Variants in ZBTB20 observed in about 807,000 individuals in gnomAD.
ZBTB20 encodes the protein zinc finger and BTB domain-containing protein 20.
In ZBTB20, 9 loss-of-function variants were observed where a neutral mutation model predicts 56.9. That is an observed-to-expected ratio of 0.16 (90% CI 0.10 to 0.28). ZBTB20 has a LOEUF of 0.28. ZBTB20 is among the 10% of genes least tolerant of loss of function. The probability of loss-of-function intolerance (pLI) is 1.00; values close to 1 mark genes in which losing one functional copy is unlikely to be tolerated. For missense variants in ZBTB20, 655 were observed against 1,003.0 expected, an observed-to-expected ratio of 0.65 and a Z score of 4.69; for synonymous variants, 417 against 420.7, an observed-to-expected ratio of 0.99 and a Z score of 0.11.
At chr3:114,546,579 C>A (rs1479137060) in intron 6 of ZBTB20, among the ~76,000 whole-genome samples, 2 of 145,040 alleles carry the variant, frequency 1.4e-5, no homozygotes, top group Non-Finnish European at 3.0e-5. Flanking sequence ...TTTTTTAATC[C>A]AGACTGGAGA....
chr3:114,710,642 T>G (rs1342404465), intron 5 of ZBTB20, among the ~76,000 whole-genome samples: 1 of 152,150 alleles, frequency 6.6e-6, no homozygotes, highest in Non-Finnish European at 1.5e-5. Flanking sequence ...AGCCCTACCT[T>G]CAAGTTATGC....
At chr3:114,540,888 C>G (rs2049034154) in intron 6 of ZBTB20, among the ~76,000 whole-genome samples, 1 of 151,848 alleles carries the variant, frequency 6.6e-6, no homozygotes, top group African/African-American at 2.4e-5. Flanking sequence ...CCTTGTATCC[C>G]CACCCTGCAT....
At chr3:115,034,371 A>G (rs111910556) in intron 2 of ZBTB20, among the ~76,000 whole-genome samples, 274 of 150,944 alleles carry the variant, frequency 1.8e-3, no homozygotes, top group African/African-American at 6.4e-3. Context: ...TGTTAGAACT[A>G]ATAAATAAAT....
intron 1 of ZBTB20, among the ~76,000 whole-genome samples, chr3:115,088,496 CA>C (rs2083071344): frequency 6.6e-6 from 1 of 151,802 alleles, no homozygotes; most frequent in Non-Finnish European, 1.5e-5. Context: ...TCTAAATTTA[CA>C]AAATCATGAT....
chr3:115,057,192 T>A (rs918778417), intron 2 of ZBTB20, among the ~76,000 whole-genome samples: 7 of 152,184 alleles, frequency 4.6e-5, no homozygotes. Flanking sequence ...TCATTGCATT[T>A]ATTGATATAA....
chr3:114,872,542 AT>A, intron 4 of ZBTB20, among the ~76,000 whole-genome samples: 1 of 152,178 alleles, frequency 6.6e-6, no homozygotes, highest in South Asian at 2.1e-4. Flanking sequence ...AACTGAAGTA[AT>A]GGCTTAATGC....
intron 1 of ZBTB20, among the ~76,000 whole-genome samples, chr3:115,081,154 CA>C (rs2082783002): frequency 6.6e-6 from 1 of 152,034 alleles, no homozygotes; most frequent in African/African-American, 2.4e-5. Context: ...GTATTAAAGG[CA>C]AATACCTCTT....
At chr3:114,467,812 G>T (rs2092611082) in intron 7 of ZBTB20, among the ~76,000 whole-genome samples, 2 of 152,176 alleles carry the variant, frequency 1.3e-5, no homozygotes. Context: ...TCCTTGGTGG[G>T]AATGTGAATT....
At chr3:114,659,543 A>G (rs1050844988) in intron 6 of ZBTB20, among the ~76,000 whole-genome samples, 9 of 152,152 alleles carry the variant, frequency 5.9e-5, no homozygotes, top group African/African-American at 2.2e-4. Flanking sequence ...CTGGGTCCAA[A>G]TGTTTAAAAC....
chr3:114,878,578 A>T (rs1450520217), intron 4 of ZBTB20, among the ~76,000 whole-genome samples: 52 of 5,106 alleles, frequency 0.01, no homozygotes, highest in African/African-American at 0.011. Flanking sequence ...GGAGAATTAA[A>T]AAAAAAAAAA....
chr3:114,696,107 C>T (rs1445304523), intron 5 of ZBTB20, among the ~76,000 whole-genome samples: 5 of 152,016 alleles, frequency 3.3e-5, no homozygotes, highest in Admixed American at 6.6e-5. Flanking sequence ...CCAATAATCT[C>T]GATCACCCAG....
At chr3:114,555,481 T>G (rs1246196432) in intron 6 of ZBTB20, among the ~76,000 whole-genome samples, 1 of 152,040 alleles carries the variant, frequency 6.6e-6, no homozygotes, top group African/African-American at 2.4e-5. Context: ...ATTTCCCCCA[T>G]AGAAACGATG....
chr3:114,921,883 T>C (rs1165369405), intron 3 of ZBTB20, among the ~76,000 whole-genome samples: 2 of 152,102 alleles, frequency 1.3e-5, no homozygotes, highest in Non-Finnish European at 2.9e-5. Flanking sequence ...CATATATATA[T>C]ATAAAGAGTG....
intron 6 of ZBTB20, among the ~76,000 whole-genome samples, chr3:114,620,995 T>C (rs1445656429): frequency 2.0e-5 from 3 of 152,294 alleles, no homozygotes; most frequent in South Asian, 2.1e-4. Flanking sequence ...ATTTAACATA[T>C]AGTAAAATAG....
chr3:114,806,308 G>A (rs938751309), intron 4 of ZBTB20, among the ~76,000 whole-genome samples: 1 of 151,736 alleles, frequency 6.6e-6, no homozygotes, highest in Non-Finnish European at 1.5e-5. Context: ...AGTCTTTTAC[G>A]GTTTTAATTT....
chr3:114,747,561 C>A (rs894515841), intron 5 of ZBTB20, among the ~76,000 whole-genome samples: 1 of 151,856 alleles, frequency 6.6e-6, no homozygotes, highest in Admixed American at 6.6e-5. Flanking sequence ...AAGATTCTGT[C>A]TCAATAAAAT....
chr3:115,035,568 C>A (rs1560512680), intron 2 of ZBTB20, among the ~76,000 whole-genome samples: 1 of 151,668 alleles, frequency 6.6e-6, no homozygotes, highest in African/African-American at 2.4e-5. Flanking sequence ...CACACACACA[C>A]ACAAAACAAG....
chr3:114,467,755 G>C (rs2092609111), intron 7 of ZBTB20, among the ~76,000 whole-genome samples: 1 of 152,170 alleles, frequency 6.6e-6, no homozygotes, highest in Non-Finnish European at 1.5e-5. Context: ...TTTATGGTTT[G>C]ATTTTAATTC....
chr3:114,705,274 T>C (rs1000227691), intron 5 of ZBTB20, among the ~76,000 whole-genome samples: 7 of 152,060 alleles, frequency 4.6e-5, no homozygotes, highest in Non-Finnish European at 1.0e-4. Context: ...AAAGGTTCTC[T>C]CAGCCTGAGG....
Sources: gnomAD v4.1 joint callset for allele counts (sites outside exome capture counted in the v4.1 genomes callset) on GRCh38, gnomAD v4.1.1 for gene constraint, MANE v1.5 for transcripts, NCBI Gene and HGNC (gene_info 2026-07-23, HGNC 2026-07-21) for gene names.